The following RECK variants were observed in gnomAD, a reference collection of about 807,000 sequenced individuals.
RECK encodes reversion-inducing cysteine-rich protein with Kazal motifs.
A neutral mutation model predicts 115.1 loss-of-function variants in RECK; 69 were observed. That is an observed-to-expected ratio of 0.60 (90% CI 0.49 to 0.73). The LOEUF is 0.73. Among genes scored for constraint, RECK ranks in the 30% least tolerant of loss-of-function variants. The probability of loss-of-function intolerance (pLI) is 0.00; values close to 1 mark genes in which losing one functional copy is unlikely to be tolerated. For synonymous variants in RECK, 414 were observed against 419.7 expected, an observed-to-expected ratio of 0.99 and a Z score of 0.17; for missense variants, 1,047 against 1,203.7, an observed-to-expected ratio of 0.87 and a Z score of 1.93.
chr9:36,082,189 C>CTCTCTCTCTCTCTCTCT (rs1228719052), intron 7 of RECK, among the ~76,000 whole-genome samples: 11 of 55,484 alleles, frequency 2.0e-4, no homozygotes, highest in Non-Finnish European at 2.6e-4. Context: ...TCTCTCTCTC[C>CTCTCTCTCTCTCTCTCT]TTTTTTCTTT....
At chr9:36,037,137 A>G in intron 1 of RECK, 39 bp downstream of exon 1, 3 of 1,166,466 alleles carry the variant, frequency 2.6e-6, no homozygotes, top group Non-Finnish European at 3.2e-6. Flanking sequence ...AGCTGTCGGG[A>G]GCGGCCGCCA....
At chr9:36,050,116 A>G (rs1022419245) in intron 1 of RECK, among the ~76,000 whole-genome samples, 1 of 152,118 alleles carries the variant, frequency 6.6e-6, no homozygotes, top group Non-Finnish European at 1.5e-5. Context: ...TATCATCTAC[A>G]TAGTGTGTCT....
intron 10 of RECK, among the ~76,000 whole-genome samples, chr9:36,098,562 G>A (rs769100277): frequency 2.3e-4 from 35 of 152,046 alleles, no homozygotes; most frequent in Non-Finnish European, 3.8e-4. Context: ...CTTTTTTTCA[G>A]TTTCTTCAAA....
intron 10 of RECK, 95 bp from the exon 11 acceptor site, chr9:36,100,236 A>G: frequency 1.0e-6 from 1 of 976,866 alleles, no homozygotes; most frequent in South Asian, 1.6e-5. Context: ...AGAAAACCAG[A>G]TTTTTCTGAT....
chr9:36,080,761 A>G (rs1192501313), intron 7 of RECK, 123 bp downstream of exon 7: 14 of 799,362 alleles, frequency 1.8e-5, no homozygotes, highest in East Asian at 1.3e-4. Context: ...TTCATGTATT[A>G]TAACAATTCC....
chr9:36,082,963 GAC>G (rs1243206571), intron 7 of RECK, among the ~76,000 whole-genome samples: 21 of 152,272 alleles, frequency 1.4e-4, no homozygotes, highest in Admixed American at 4.6e-4. Context: ...AACACAGAAA[GAC>G]ACTGCTTCAC....
chr9:36,081,610 G>A (rs1258761009), intron 7 of RECK, among the ~76,000 whole-genome samples: 1 of 152,078 alleles, frequency 6.6e-6, no homozygotes, highest in African/African-American at 2.4e-5. Flanking sequence ...GAGACAGGTG[G>A]ATCACTTGAG....
At chr9:36,039,628 C>T (rs1362545858) in intron 1 of RECK, among the ~76,000 whole-genome samples, 1 of 152,156 alleles carries the variant, frequency 6.6e-6, no homozygotes, top group Admixed American at 6.5e-5. Context: ...TGTCATGGCA[C>T]CTGATAATGG....
At chr9:36,116,852 C>T in intron 16 of RECK, 133 bp from the exon 17 acceptor site, 1 of 645,572 alleles carries the variant, frequency 1.5e-6, no homozygotes, top group African/African-American at 1.8e-5. Flanking sequence ...TCTACATAAG[C>T]TCTTTGGAGA....
At chr9:36,102,251 G>T (rs1039687458) in intron 12 of RECK, 21 bp downstream of exon 12, 2 of 1,570,202 alleles carry the variant, frequency 1.3e-6, no homozygotes, top group African/African-American at 1.4e-5. Flanking sequence ...TTTTGTATGT[G>T]TGTTTTTAGA....
chr9:36,043,010 CTTTTTTTTTTTTT>C (rs61673918), intron 1 of RECK, among the ~76,000 whole-genome samples: 1,730 of 59,608 alleles, frequency 0.029, 112 homozygotes, highest in African/African-American at 0.11. Flanking sequence ...CCTTAGCCCA[CTTTTTTTTTTTTT>C]TTTTTTTTTT....
chr9:36,068,396 A>G (rs2132597169), intron 6 of RECK, among the ~76,000 whole-genome samples: 1 of 152,320 alleles, frequency 6.6e-6, no homozygotes, highest in South Asian at 2.1e-4. Flanking sequence ...GCATTCATTT[A>G]CTATTCTTCT....
chr9:36,084,691 C>T (rs1822872768), intron 8 of RECK, among the ~76,000 whole-genome samples: 1 of 141,846 alleles, frequency 7.0e-6, no homozygotes, highest in African/African-American at 2.7e-5. Flanking sequence ...CAGACATCGT[C>T]AGGAAGGAAG....
chr9:36,122,727 G>A, intron 20 of RECK, 97 bp from the exon 21 acceptor site: 2 of 903,910 alleles, frequency 2.2e-6, no homozygotes, highest in Admixed American at 2.1e-5. Flanking sequence ...TGCCCTCTGA[G>A]GCCACGCTAC....
intron 10 of RECK, among the ~76,000 whole-genome samples, chr9:36,098,287 A>T (rs78543603): frequency 6.6e-6 from 1 of 152,232 alleles, no homozygotes; most frequent in African/African-American, 2.4e-5. Flanking sequence ...TAGCCATTCC[A>T]CATGTGTCAT....
At chr9:36,074,883 A>G (rs1822387359) in intron 6 of RECK, among the ~76,000 whole-genome samples, 1 of 152,236 alleles carries the variant, frequency 6.6e-6, no homozygotes, top group Admixed American at 6.5e-5. Flanking sequence ...CACAAATCTA[A>G]GGGCTTACTA....
rs1823546744 is a variant in RECK at position 36,100,999 on chromosome 9, AC to A, written c.1298+457del. Among the ~76,000 whole-genome samples the A allele has an allele frequency of 2.0e-5, 3 of 149,244 alleles. No homozygotes were observed. In the South Asian group the frequency reaches 6.3e-4, roughly 32 times the overall value. On this transcript the variant is annotated intron_variant, in intron 11 of 20. Coordinates refer to ENST00000377966, the MANE Select transcript of RECK (RefSeq NM_021111.3). The stretch of plus-strand genomic sequence containing the variant: ...TGTTTTTTTTTTGAGATGGAGTCTC[AC>A]TCTGTCGCCAGGCTGGAGTGCAGTG...
In RECK at chr9:36,117,106, C is replaced by T; in HGVS notation, c.2182C>T (p.His728Tyr). ...QVQDPVCDTDHMEHNNLCTLY... is the reference protein window; with the variant it reads ...QVQDPVCDTDYMEHNNLCTLY... Reference sequence around the variant, plus strand: ...CCAAGATCCTGTTTGTGACACAGACCACATGGAGCACAACAATCTCTGCAC... The same window carrying T: ...CCAAGATCCTGTTTGTGACACAGACTACATGGAGCACAACAATCTCTGCAC... Residue 728 changes from histidine (H) to tyrosine (Y), a missense_variant, in exon 17 of 21, where the codon CAC (histidine) becomes TAC (tyrosine). His to Tyr is a moderately conservative substitution (Grantham distance 83). Coordinates refer to ENST00000377966, the MANE Select transcript of RECK (RefSeq NM_021111.3). 6.2e-7 allele frequency: 1 copy of T among 1,614,094 alleles called. No homozygotes were observed. Among genetic ancestry groups the T allele is most frequent in the Non-Finnish European group, 8.5e-7 (1 of 1,179,976 alleles).
At chr9:36,083,674 G>T in intron 8 of RECK, 112 bp downstream of exon 8, 1 of 1,134,514 alleles carries the variant, frequency 8.8e-7, no homozygotes, top group Non-Finnish European at 1.2e-6. Context: ...AGAAATATCA[G>T]ACTTCCTTTG....
Sources: gnomAD v4.1 joint callset for allele counts (sites outside exome capture counted in the v4.1 genomes callset) on GRCh38, gnomAD v4.1.1 for gene constraint, MANE v1.5 for transcripts, NCBI Gene and HGNC (gene_info 2026-07-23, HGNC 2026-07-21) for gene names.